Variants in BRD3 observed in about 807,000 individuals in gnomAD.
The protein encoded by BRD3 is bromodomain-containing protein 3.
In BRD3, 17 loss-of-function variants were observed where a neutral mutation model predicts 66.8. That is an observed-to-expected ratio of 0.25 (90% confidence interval 0.17 to 0.38). The LOEUF is 0.38. BRD3 is among the 10% of genes least tolerant of loss of function. BRD3 has a pLI of 1.00. For synonymous variants in BRD3, 421 were observed against 393.2 expected (o/e 1.07, Z -0.84); for missense variants, 713 against 956.1 (o/e 0.75, Z 3.35).
At chr9:134,068,505 T>G (rs1393314763), upstream of BRD3, 1 of 150,240 alleles carries the variant, frequency 6.7e-6, no homozygotes, top group East Asian at 2.0e-4. Context: ...AGCCCGTGTT[T>G]GTAAACAAAC....
intron 3 of BRD3, among the ~76,000 whole-genome samples, 169 bp from the exon 4 acceptor site, chr9:134,051,878 T>TGTGTGTGTGTA: frequency 8.6e-6 from 1 of 116,314 alleles, no homozygotes; most frequent in Admixed American, 8.4e-5. Flanking sequence ...TGTGTGTGTG[T>TGTGTGTGTGTA]TGTTTTTTTT....
In BRD3 at chr9:134,050,368, G is replaced by A. The variant is rs2132422398; in HGVS notation, c.714+6C>T. Reference sequence around the variant, plus strand: ...TGCCCCACCCATCCGGACTCAGGGTGCTCACCTTGACGACAGGCGGCGTAG... The same window carrying A: ...TGCCCCACCCATCCGGACTCAGGGTACTCACCTTGACGACAGGCGGCGTAG... On this transcript the variant is annotated splice_donor_region_variant and intron_variant, in intron 5 of 11. Transcript: ENST00000303407. 6.2e-7 allele frequency: 1 copy of A among 1,608,244 alleles called. No individual in the cohort carries two copies. The highest frequency in any genetic ancestry group is 8.5e-7 in the Non-Finnish European group (1 of 1,178,222).
At chr9:134,062,042 C>T (rs923328964) in intron 1 of BRD3, among the ~76,000 whole-genome samples, 1 of 152,230 alleles carries the variant, frequency 6.6e-6, no homozygotes, top group Admixed American at 6.5e-5. Flanking sequence ...GCAGGGCTGC[C>T]TTCAGTGACA....
At chr9:134,057,001 G>A (rs947680907) in intron 1 of BRD3, 1 of 152,378 alleles carries the variant, frequency 6.6e-6, no homozygotes, top group Non-Finnish European at 1.5e-5. Context: ...CTGTGCAAGA[G>A]AGCCCCACAC....
intron 8 of BRD3, 91 bp downstream of exon 8, chr9:134,041,669 G>A: frequency 6.8e-7 from 1 of 1,462,114 alleles, no homozygotes; most frequent in Non-Finnish European, 9.2e-7. Flanking sequence ...AGGGGCAGAG[G>A]AAGGAACCAT....
At chr9:134,047,961 C>A in intron 6 of BRD3, 122 bp downstream of exon 6, 1 of 1,341,106 alleles carries the variant, frequency 7.5e-7, no homozygotes, top group Non-Finnish European at 9.8e-7. Context: ...CTGGAGGGTG[C>A]GCTTCTCCGG....
chr9:134,051,871 GTGTGTGTTGTTTTTTTTGTT>G (rs1564555778), intron 3 of BRD3, among the ~76,000 whole-genome samples, 162 bp from the exon 4 acceptor site: 1,550 of 110,454 alleles, frequency 0.014, 66 homozygotes, highest in African/African-American at 0.061. Context: ...GTGTGTGTGT[GTGTGTGTTGTTTTTTTTGTT>G]TTTTTTTTTT....
chr9:134,066,854 G>C (rs1253140120), intron 1 of BRD3, among the ~76,000 whole-genome samples: 2 of 152,152 alleles, frequency 1.3e-5, no homozygotes, highest in Admixed American at 6.5e-5. Flanking sequence ...ATTAAAGATC[G>C]CAACCACTCA....
At chr9:134,050,649 C>T in intron 4 of BRD3, 61 bp from the exon 5 acceptor site, 1 of 1,386,312 alleles carries the variant, frequency 7.2e-7, no homozygotes, top group South Asian at 1.2e-5. Context: ...CAGAAGCTTC[C>T]AGTGCCACCC....
chr9:134,053,833 G>A, intron 1 of BRD3: 1 of 280,776 alleles, frequency 3.6e-6, no homozygotes, highest in Non-Finnish European at 6.7e-6. Flanking sequence ...GGCCTGGGCG[G>A]TGGAGGGAGC....
At chr9:134,067,401 C>T (rs1277423451) in intron 1 of BRD3, among the ~76,000 whole-genome samples, 1 of 148,266 alleles carries the variant, frequency 6.7e-6, no homozygotes, top group Non-Finnish European at 1.5e-5. Flanking sequence ...GCGCGGGCCC[C>T]AGCAACGGCT....
chr9:134,066,777 T>C (rs1165298363), intron 1 of BRD3, among the ~76,000 whole-genome samples: 1 of 152,176 alleles, frequency 6.6e-6, no homozygotes, highest in Non-Finnish European at 1.5e-5. Flanking sequence ...TTGCAGACAA[T>C]GACCAAGTTT....
chr9:134,033,334 A>G lies in BRD3; in HGVS notation c.*256T>C. ...CTGGGGTCATCGGGTTAGCATTTGA[A>G]GTTGTCATCTCCAAGTGACTGAATT... is the stretch of plus-strand genomic sequence containing the variant. On this transcript the variant is annotated 3_prime_UTR_variant, in exon 12 of 12. Transcript: ENST00000303407. The surrounding 1 kb of genome is among the most constrained non-coding windows in gnomAD (Gnocchi z 5.1). 1 of 444,102 alleles carries G rather than the reference A, an allele frequency of 2.3e-6. No individual in the cohort carries two copies. Among genetic ancestry groups the G allele is most frequent in the Non-Finnish European group, 4.0e-6 (1 of 251,982 alleles). 27.5% of individuals were successfully genotyped at this position (444,102 alleles called of 1,614,324 possible). A position where few individuals can be genotyped will look rare whatever the true frequency, so the allele number is the denominator to read the frequency against.
chr9:134,065,838 C>A (rs976064213), intron 1 of BRD3, among the ~76,000 whole-genome samples: 1 of 152,172 alleles, frequency 6.6e-6, no homozygotes, highest in East Asian at 1.9e-4. Flanking sequence ...AGGGCTCCCG[C>A]GGCTGGCATC....
At chr9:134,060,698 G>GCC (rs1415998248) in intron 1 of BRD3, among the ~76,000 whole-genome samples, 2 of 152,040 alleles carry the variant, frequency 1.3e-5, no homozygotes, top group African/African-American at 4.8e-5. Flanking sequence ...ACACTGACTA[G>GCC]CCCCCTTCCT....
chr9:134,066,562 G>GA (rs35011268), intron 1 of BRD3, among the ~76,000 whole-genome samples: 83 of 148,818 alleles, frequency 5.6e-4, no homozygotes, highest in East Asian at 4.2e-3. Context: ...ATGGACCCAG[G>GA]AAAAAAAAAA....
chr9:134,050,979 G>A (rs972425660), intron 4 of BRD3, among the ~76,000 whole-genome samples: 1 of 152,206 alleles, frequency 6.6e-6, no homozygotes, highest in African/African-American at 2.4e-5. Flanking sequence ...TCTCCCATCT[G>A]CAACACGCGA....
intron 1 of BRD3, 103 bp downstream of exon 1, chr9:134,067,842 C>G (rs1222708260): frequency 7.0e-6 from 1 of 143,592 alleles, no homozygotes; most frequent in Non-Finnish European, 1.5e-5. Flanking sequence ...CGCCGGCGGA[C>G]TGCGCGGGGC....
chr9:134,065,360 G>T (rs1242201842), intron 1 of BRD3, among the ~76,000 whole-genome samples: 1 of 152,014 alleles, frequency 6.6e-6, no homozygotes, highest in African/African-American at 2.4e-5. Context: ...GGAGGTAGAG[G>T]TTACAGTGGG....
Sources: gnomAD v4.1 joint callset for allele counts (sites outside exome capture counted in the v4.1 genomes callset) on GRCh38, gnomAD v4.1.1 for gene constraint, Gnocchi (gnomAD v3.1) non-coding constraint, MANE v1.5 for transcripts, NCBI Gene and HGNC (gene_info 2026-07-23, HGNC 2026-07-21) for gene names.